The following ZFC3H1 variants were observed in gnomAD, a reference collection of about 807,000 sequenced individuals.
ZFC3H1 encodes zinc finger C3H1 domain-containing protein.
ZFC3H1 carries 71 observed loss-of-function variants against 243.7 expected under a neutral mutation model. That is an observed-to-expected ratio of 0.29 (90% CI 0.24 to 0.36). ZFC3H1 has a LOEUF of 0.36. Among genes scored for constraint, ZFC3H1 ranks in the 10% least tolerant of loss-of-function variants. ZFC3H1 has a pLI of 1.00. For missense variants in ZFC3H1, 1,966 were observed against 2,317.1 expected, an observed-to-expected ratio of 0.85 and a Z score of 3.11; for synonymous variants, 838 against 813.0, an observed-to-expected ratio of 1.03 and a Z score of -0.52.
intron 6 of ZFC3H1, among the ~76,000 whole-genome samples, chr12:71,639,791 T>C (rs539943738): frequency 6.6e-6 from 1 of 152,318 alleles, no homozygotes; most frequent in Admixed American, 6.5e-5. Flanking sequence ...AAGTCCATTA[T>C]GTGCTGGTTC....
intron 2 of ZFC3H1, among the ~76,000 whole-genome samples, chr12:71,648,783 T>C (rs1322345973): frequency 6.6e-6 from 1 of 152,156 alleles, no homozygotes; most frequent in Non-Finnish European, 1.5e-5. Context: ...GCAACATGAC[T>C]GATACATTAG....
intron 2 of ZFC3H1, among the ~76,000 whole-genome samples, chr12:71,650,557 G>T (rs1880857805): frequency 6.6e-6 from 1 of 152,172 alleles, no homozygotes; most frequent in African/African-American, 2.4e-5. Context: ...CCATAATAAT[G>T]AGAATATCCC....
At chr12:71,621,550 T>G (rs919596495) in intron 24 of ZFC3H1, among the ~76,000 whole-genome samples, 2 of 152,052 alleles carry the variant, frequency 1.3e-5, no homozygotes, top group Admixed American at 6.6e-5. Flanking sequence ...GTGATCCACA[T>G]GCCTCAGCAG....
At chr12:71,633,819 C>A (rs1880387026) in intron 12 of ZFC3H1, among the ~76,000 whole-genome samples, 1 of 152,100 alleles carries the variant, frequency 6.6e-6, no homozygotes, top group Admixed American at 6.5e-5. Context: ...CCATGCCCAG[C>A]TAATTTTTTT....
intron 18 of ZFC3H1, among the ~76,000 whole-genome samples, chr12:71,630,158 G>A (rs1880286508): frequency 6.6e-6 from 1 of 152,082 alleles, no homozygotes; most frequent in Non-Finnish European, 1.5e-5. Flanking sequence ...TTTCATTATA[G>A]AATTGGAAAC....
chr12:71,615,260 T>C lies in ZFC3H1; in HGVS notation c.5201A>G (p.Asn1734Ser). 1 of 1,613,648 alleles carries C rather than the reference T, an allele frequency of 6.2e-7. No homozygotes were observed. The highest frequency in any genetic ancestry group is 8.5e-7 in the Non-Finnish European group (1 of 1,179,836). Residue 1734 changes from asparagine (N) to serine (S), a missense_variant, in exon 28 of 35, where the codon AAT becomes AGT. By Grantham distance (46) the Asn-to-Ser change is conservative. Coordinates refer to ENST00000378743, the MANE Select transcript of ZFC3H1 (RefSeq NM_144982.5). ...GTGGTTAAACATATCATCATCAAAA[T>C]TCCCTTTACATAAACGAGATGGAAT... is the stretch of plus-strand genomic sequence containing the variant. ...IDIPSRLCKG[N>S]FDDDMFNHQV...
At position 71,614,510 on chromosome 12, in the gene ZFC3H1, A is replaced by G. The variant is rs376782899; in HGVS notation, c.5526+25T>C. 8.6e-5 allele frequency: 132 copies of G among 1,537,938 alleles called. 1 individual carries two copies. The Middle Eastern group carries it at 5.1e-3, about 59-fold the overall frequency. On this transcript the variant is annotated intron_variant, in intron 30 of 34. Transcript: ENST00000378743. The stretch of plus-strand genomic sequence containing the variant: ...GTCTCTTTGTTTTACACAAATATCT[A>G]AAGAAAAAAGTTTTGAGTTCTTACC...
chr12:71,625,493 A>G (rs1880141856), intron 22 of ZFC3H1, among the ~76,000 whole-genome samples: 1 of 152,126 alleles, frequency 6.6e-6, no homozygotes, highest in Non-Finnish European at 1.5e-5. Context: ...AGAGTTCAAG[A>G]CCAACCTGGG....
At chr12:71,616,416 C>A (rs947264316) in intron 27 of ZFC3H1, among the ~76,000 whole-genome samples, 1 of 152,172 alleles carries the variant, frequency 6.6e-6, no homozygotes, top group Non-Finnish European at 1.5e-5. Context: ...TTCTATAACA[C>A]ATTAGCCTGT....
intron 6 of ZFC3H1, among the ~76,000 whole-genome samples, chr12:71,641,932 C>T (rs2137545731): frequency 6.6e-6 from 1 of 152,286 alleles, no homozygotes; most frequent in Admixed American, 6.5e-5. Flanking sequence ...TCACTGCAAC[C>T]TCCACCTTCC....
chr12:71,642,536 T>A lies in ZFC3H1; in HGVS notation c.1527A>T (p.Arg509=), dbSNP rs1022459439. ...RSKSSDPDLR[R]SLDKQPTDSG... ...TATCAGTAGGTTGCTTATCTAAGGA[T>A]CGCCTCAGGTCAGGATCTGAAGACT... Residue 509 remains arginine (R), a synonymous_variant, in exon 6 of 35, where the codon CGA becomes CGT. Transcript: ENST00000378743. 6.2e-7 allele frequency: 1 copy of A among 1,612,504 alleles called. No individual in the cohort carries two copies. Among genetic ancestry groups the A allele is most frequent in the African/African-American group, 1.3e-5 (1 of 74,910 alleles).
At position 71,629,783 on chromosome 12, in the gene ZFC3H1, T is replaced by C. The variant is rs139440655; in HGVS notation, c.3725-73A>G. On this transcript the variant is annotated intron_variant, in intron 18 of 34. Coordinates refer to ENST00000378743, the MANE Select transcript of ZFC3H1 (RefSeq NM_144982.5). ...ACTAGGATAATTAAAATGTATGACG[T>C]GAACTAGTTTAAGAATTAAAGGCGA... 147 of 969,424 alleles carry C rather than the reference T, an allele frequency of 1.5e-4. 1 individual carries two copies. The East Asian group carries it at 3.6e-3, about 23-fold the overall frequency. The allele number at this position is 969,424 out of a possible 1,614,324, so 60.1% of individuals were successfully genotyped here. A position where few individuals can be genotyped will look rare whatever the true frequency, so the allele number is the denominator to read the frequency against.
rs753076903 is a variant in ZFC3H1, at chr12:71,644,858, A to G, written c.1279+19T>C. ...AAGAAAACAAAACAAAAACACAAGA[A>G]TTTAATAAAAATGATCACCTGTAGT... On this transcript the variant is annotated intron_variant, in intron 4 of 34. Coordinates refer to ENST00000378743, the MANE Select transcript of ZFC3H1 (RefSeq NM_144982.5). The G allele has an allele frequency of 1.9e-6, 3 of 1,589,680 alleles. No homozygotes were observed. The highest frequency in any genetic ancestry group is 2.6e-6 in the Non-Finnish European group (3 of 1,173,698).
intron 1 of ZFC3H1, among the ~76,000 whole-genome samples, chr12:71,659,423 T>C (rs1881106958): frequency 6.6e-6 from 1 of 152,228 alleles, no homozygotes; most frequent in African/African-American, 2.4e-5. Flanking sequence ...AGTTTGTCTG[T>C]TCTTCAACTT....
chr12:71,629,107 AAAT>A, intron 19 of ZFC3H1, 70 bp from the exon 20 acceptor site: 1 of 1,330,678 alleles, frequency 7.5e-7, no homozygotes, highest in East Asian at 2.4e-5. Flanking sequence ...AAGGATACTC[AAAT>A]AATATTTGAG....
In ZFC3H1 at chr12:71,632,486, G is replaced by C. The variant is rs766346014; in HGVS notation, c.2846C>G (p.Ser949Cys). ...GPNKMMRLDS[S>C]PVSSPRKHSA... ...ATGCTTTCTTGGACTTGATACTGGA[G>C]AACTGTCCAGTCTCATCATTTTGTT... The change falls in exon 15 of 35, where the codon TCT becomes TGT. Residue 949 changes from serine to cysteine, a missense_variant. Around this residue, in one of 4 missense-constraint regions of ZFC3H1, gnomAD observed 1,383 missense variants for 1,723.7 expected, o/e 0.80. Transcript: ENST00000378743. 4 of 1,589,114 alleles carry C rather than the reference G, an allele frequency of 2.5e-6. No individual in the cohort carries two copies. The East Asian group carries it at 6.7e-5, about 27-fold the overall frequency.
chr12:71,630,971 G>A lies in ZFC3H1; in HGVS notation c.3471-17C>T, dbSNP rs1445073078. The stretch of plus-strand genomic sequence containing the variant: ...GGACTAAATCTAAGGTGAAGAGAGT[G>A]AACAGGTATATTATGCCCAACAAAC... On this transcript the variant is annotated splice_polypyrimidine_tract_variant and intron_variant, in intron 16 of 34. Transcript: ENST00000378743. The A allele has an allele frequency of 1.2e-5, 19 of 1,589,964 alleles. No individual in the cohort carries two copies. In the East Asian group the frequency reaches 4.3e-4, roughly 36 times the overall value.
rs1159480099 is a variant in ZFC3H1, at chr12:71,633,300, A to C, written c.2649T>G (p.Asn883Lys). 6.3e-7 allele frequency: 1 copy of C among 1,594,646 alleles called. No homozygotes were observed. ...GCTTCTTCAAAAACATTCTGTTAAC[A>C]TTAAGAATTTTTTCAGTTGCTTGAA... Reference protein sequence around the residue: ...EQLQATEKILNVNRMFLKKLQ... With the variant: ...EQLQATEKILKVNRMFLKKLQ... Residue 883 changes from asparagine (N) to lysine (K), a missense_variant, in exon 13 of 35, where the codon AAT becomes AAG. Physicochemically the swap from Asn to Lys is moderately conservative, Grantham distance 94. This residue lies in a region of ZFC3H1 where 1,383 missense variants were observed against 1,723.7 expected (regional missense o/e 0.80). Transcript: ENST00000378743.
chr12:71,613,568 G>A, intron 30 of ZFC3H1, 133 bp from the exon 31 acceptor site: 1 of 540,516 alleles, frequency 1.9e-6, no homozygotes, highest in Non-Finnish European at 3.2e-6. Flanking sequence ...ATGATGTTGT[G>A]AGTTACAGTT....
Sources: allele counts gnomAD v4.1 joint callset (sites outside exome capture counted in the v4.1 genomes callset), GRCh38; gene constraint gnomAD v4.1.1; regional missense constraint gnomAD v4.1.1; transcripts MANE v1.5; gene names NCBI Gene and HGNC (gene_info 2026-07-23, HGNC 2026-07-21).